The following ADCY6 variants were observed in gnomAD, a reference collection of about 807,000 sequenced individuals.
ADCY6 encodes the protein adenylate cyclase 6, also known as adenylate cyclase type 6.
A neutral mutation model predicts 111.6 loss-of-function variants in ADCY6; 59 were observed. The observed-to-expected ratio is 0.53, with a 90% CI of 0.43 to 0.66. The LOEUF (loss-of-function observed/expected upper bound fraction) is 0.66, where lower values mean the gene tolerates loss of function less well. Ranked by LOEUF, ADCY6 falls within the 30% of genes least tolerant of loss-of-function variation. ADCY6 has a pLI of 0.00. For missense variants in ADCY6, 1,242 were observed against 1,595.6 expected (o/e 0.78, Z 3.78); for synonymous variants, 576 against 642.9 (o/e 0.90, Z 1.57).
intron 16 of ADCY6, 112 bp from the exon 17 acceptor site, chr12:48,772,655 C>T (rs970351754): frequency 7.8e-7 from 1 of 1,289,050 alleles, no homozygotes; most frequent in African/African-American, 1.5e-5. Flanking sequence ...GTAAGTCAGG[C>T]ATTGGGCCAG....
At chr12:48,773,694 C>T (rs558690729) in intron 15 of ADCY6, 47 bp from the exon 16 acceptor site, 1 of 1,608,416 alleles carries the variant, frequency 6.2e-7, no homozygotes, top group African/African-American at 1.3e-5. Context: ...GAGGCCACAG[C>T]ACCCTTGGGC....
rs1037254707 is a variant in ADCY6, at chr12:48,778,872, A to ATTTTTTTTTTTTTTT, written c.865-630_865-616dup. On this transcript the variant is annotated intron_variant, in intron 2 of 21. Coordinates refer to ENST00000357869, the MANE Select transcript of ADCY6 (RefSeq NM_015270.5). Reference sequence around the variant, plus strand: ...GTGTCTTCTATACACTGAATAACACATTTTTTTTTTTTTTTTTTTTTTTTT... The same window carrying ATTTTTTTTTTTTTTT: ...GTGTCTTCTATACACTGAATAACACATTTTTTTTTTTTTTTTTTTTTTTTTTTTTTTTTTTTTTTT... 1.8e-4 allele frequency among the ~76,000 whole-genome samples: 13 copies of ATTTTTTTTTTTTTTT among 72,414 alleles called. 1 individual carries two copies. Among genetic ancestry groups the ATTTTTTTTTTTTTTT allele is most frequent in the African/African-American group, 6.0e-4 (10 of 16,734 alleles). The allele number at this position is 72,414 out of a possible 152,430, so 47.5% of individuals were successfully genotyped here. A position where few individuals can be genotyped will look rare whatever the true frequency, so the allele number is the denominator to read the frequency against.
chr12:48,783,534 C>A (rs1414999184), intron 1 of ADCY6, 96 bp from the exon 2 acceptor site: 1 of 1,571,862 alleles, frequency 6.4e-7, no homozygotes, highest in Non-Finnish European at 8.6e-7. Context: ...TAGCTCATTA[C>A]CTAAGCACTT....
chr12:48,771,449 G>T lies in ADCY6; in HGVS notation c.3051+261C>A. On this transcript the variant is annotated intron_variant, in intron 19 of 21. Coordinates refer to ENST00000357869, the MANE Select transcript of ADCY6 (RefSeq NM_015270.5). The surrounding 1 kb of genome is among the most constrained non-coding windows in gnomAD (Gnocchi z 4.3). ...CTTCTTCTTCAGTGACATCCACCTG[G>T]TACCTATCCTATCCCCCTACAGATC... 1.7e-6 allele frequency: 1 copy of T among 599,508 alleles called. No individual in the cohort carries two copies. Among genetic ancestry groups the T allele is most frequent in the Non-Finnish European group, 3.0e-6 (1 of 332,122 alleles). 37.1% of individuals were successfully genotyped at this position (599,508 alleles called of 1,614,324 possible). A position where few individuals can be genotyped will look rare whatever the true frequency, so the allele number is the denominator to read the frequency against.
chr12:48,782,511 C>CTTA lies in ADCY6; in HGVS notation c.864+57_864+59dup. 6.4e-7 allele frequency: 1 copy of CTTA among 1,550,822 alleles called. No individual in the cohort carries two copies. The highest frequency in any genetic ancestry group is 8.7e-7 in the Non-Finnish European group (1 of 1,148,272). On this transcript the variant is annotated intron_variant, in intron 2 of 21. Transcript: ENST00000357869. This position sits in a 1 kb window ranked among gnomAD's most constrained non-coding sequence, Gnocchi z 4.3. ...CCCTTCCTCACTAAGCCCCCACCTG[C>CTTA]TTATGAGGTGAGAAATTCCCCACCT...
chr12:48,773,650 G>A lies in ADCY6; in HGVS notation c.2443-3C>T. The A allele has an allele frequency of 6.2e-7, 1 of 1,614,004 alleles. No homozygotes were observed. Among genetic ancestry groups the A allele is most frequent in the Non-Finnish European group, 8.5e-7 (1 of 1,180,000 alleles). ...AGCAGCATGTTCCCGATGAAGTACT[G>A]CGGGGGTGGCAGAGGCAGCGTTGGG... On this transcript the variant is annotated splice_polypyrimidine_tract_variant and splice_region_variant and intron_variant, in intron 15 of 21. Coordinates refer to ENST00000357869, the MANE Select transcript of ADCY6 (RefSeq NM_015270.5).
rs966679688 is a variant in ADCY6, at chr12:48,773,868, C to T, written c.2442+72G>A. 3 of 1,572,286 alleles carry T rather than the reference C, an allele frequency of 1.9e-6. No homozygotes were observed. The Admixed American group carries it at 5.4e-5, about 28-fold the overall frequency. On this transcript the variant is annotated intron_variant, in intron 15 of 21. Transcript: ENST00000357869. ...GTTCCTGGGTCCCCAGCGCCCATCA[C>T]CAGGCCTGGCACAGAAGGGCCAATG...
At chr12:48,773,843 G>A in intron 15 of ADCY6, 97 bp downstream of exon 15, 1 of 1,516,024 alleles carries the variant, frequency 6.6e-7, no homozygotes, top group Non-Finnish European at 8.9e-7. Context: ...ACTCTGGTGA[G>A]TTCCTGGGTC....
At chr12:48,769,428 A>C (rs1438017329) in intron 20 of ADCY6, among the ~76,000 whole-genome samples, 1 of 151,186 alleles carries the variant, frequency 6.6e-6, no homozygotes, top group Non-Finnish European at 1.5e-5. Flanking sequence ...AAAAAAAAAA[A>C]AAAAAACCCA....
In ADCY6 at chr12:48,778,258, C is replaced by A; in HGVS notation, c.865-1G>T. Reference sequence around the variant, plus strand: ...GGAACAGCAGCACATTGGCACCGAGCTGCAGGAGGTGGCAGAGGCAGACAG... The same window carrying A: ...GGAACAGCAGCACATTGGCACCGAGATGCAGGAGGTGGCAGAGGCAGACAG... On this transcript the variant is annotated splice_acceptor_variant, in intron 2 of 21. Transcript: ENST00000357869. LOFTEE classifies it high-confidence loss of function. 1 of 1,614,116 alleles carries A rather than the reference C, an allele frequency of 6.2e-7. No individual in the cohort carries two copies. Among genetic ancestry groups the A allele is most frequent in the Non-Finnish European group, 8.5e-7 (1 of 1,180,018 alleles).
chr12:48,777,731 C>T lies in ADCY6; in HGVS notation c.1020G>A (p.Arg340=), dbSNP rs1941741491. The change falls in exon 4 of 22, where the codon CGG becomes CGA. Residue 340 remains arginine (R), a synonymous_variant. Coordinates refer to ENST00000357869, the MANE Select transcript of ADCY6 (RefSeq NM_015270.5). This position sits in a 1 kb window ranked among gnomAD's most constrained non-coding sequence, Gnocchi z 4.9. The part of the protein sequence containing the change: ...HLQHENRQQE[R]LLLSVLPQHV... ...GCTGGGGCAATACCGACAGCAGCAGCCGCTCCTAGCCCAGTGGTTCCAATA... is the reference window on the plus strand; with the variant it reads ...GCTGGGGCAATACCGACAGCAGCAGTCGCTCCTAGCCCAGTGGTTCCAATA... The T allele has an allele frequency of 1.2e-6, 2 of 1,614,056 alleles. No individual in the cohort carries two copies. The highest frequency in any genetic ancestry group is 1.7e-6 in the Non-Finnish European group (2 of 1,179,996).
chr12:48,768,799 T>C (rs1304115506), intron 21 of ADCY6, 83 bp from the exon 22 acceptor site: 45 of 1,569,306 alleles, frequency 2.9e-5, no homozygotes, highest in Non-Finnish European at 3.9e-5. Context: ...CTAGTCAGGC[T>C]AGCTCCCTTC....
intron 9 of ADCY6, 49 bp from the exon 10 acceptor site, chr12:48,775,747 C>A: frequency 6.3e-7 from 1 of 1,595,178 alleles, no homozygotes; most frequent in Non-Finnish European, 8.6e-7. Flanking sequence ...CAACAACCTT[C>A]ATCTCTGCAG....
chr12:48,779,184 C>G (rs972895378), intron 2 of ADCY6, among the ~76,000 whole-genome samples: 8 of 152,072 alleles, frequency 5.3e-5, no homozygotes, highest in Admixed American at 4.6e-4. Context: ...TCCACCGCAC[C>G]TGGCCCCTAA....
Position 48,776,966 on chromosome 12 carries a change from T to C in ADCY6, c.1376+138A>G, listed in dbSNP as rs1427310434. Reference sequence around the variant, plus strand: ...GGTCTTTGCACAGGTTGGAGAAAGATTCCCCTTCCCAGTGACAGACAGACC... The same window carrying C: ...GGTCTTTGCACAGGTTGGAGAAAGACTCCCCTTCCCAGTGACAGACAGACC... On this transcript the variant is annotated intron_variant, in intron 6 of 21. Coordinates refer to ENST00000357869, the MANE Select transcript of ADCY6 (RefSeq NM_015270.5). This position sits in a 1 kb window ranked among gnomAD's most constrained non-coding sequence, Gnocchi z 6.1. 6 of 1,330,338 alleles carry C rather than the reference T, an allele frequency of 4.5e-6. No individual in the cohort carries two copies. The Admixed American group carries it at 1.2e-4, about 26-fold the overall frequency. The allele number at this position is 1,330,338 out of a possible 1,614,324, so 82.4% of individuals were successfully genotyped here.
intron 2 of ADCY6, among the ~76,000 whole-genome samples, chr12:48,781,148 A>T (rs574801593): frequency 6.6e-6 from 1 of 151,610 alleles, no homozygotes; most frequent in Admixed American, 6.6e-5. Flanking sequence ...CAGTGAGCTG[A>T]GATCGCGCCA....
chr12:48,771,949 C>T lies in ADCY6; in HGVS notation c.2812G>A (p.Glu938Lys). The change falls in exon 19 of 22, where the codon GAG becomes AAG. Residue 938 changes from glutamate (E) to lysine (K), a missense_variant. Around this residue, in one of 4 missense-constraint regions of ADCY6, gnomAD observed 245 missense variants for 371.3 expected, o/e 0.66. Coordinates refer to ENST00000357869, the MANE Select transcript of ADCY6 (RefSeq NM_015270.5). This position sits in a 1 kb window ranked among gnomAD's most constrained non-coding sequence, Gnocchi z 4.3. ...CTCCGGTTGTATGCCTGTAGCTCCT[C>T]CATCTCCTCCTTCTCCCCTGTTGCC... ...LQATGEKEEMEELQAYNRRLL... is the reference protein window; with the variant it reads ...LQATGEKEEMKELQAYNRRLL... 6.2e-7 allele frequency: 1 copy of T among 1,612,722 alleles called. No individual in the cohort carries two copies. Among genetic ancestry groups the T allele is most frequent in the Non-Finnish European group, 8.5e-7 (1 of 1,179,100 alleles).
intron 16 of ADCY6, 114 bp from the exon 17 acceptor site, chr12:48,772,657 T>TTG: frequency 1.6e-6 from 2 of 1,257,234 alleles, no homozygotes; most frequent in Non-Finnish European, 2.3e-6. Context: ...AAGTCAGGCA[T>TTG]TGGGCCAGGG....
intron 17 of ADCY6, 42 bp from the exon 18 acceptor site, chr12:48,772,466 T>G: frequency 6.2e-7 from 1 of 1,614,210 alleles, no homozygotes; most frequent in Non-Finnish European, 8.5e-7. Context: ...GAAGGAGGCA[T>G]CTAATGGCTC....
Sources: gnomAD v4.1 joint callset for allele counts (sites outside exome capture counted in the v4.1 genomes callset) on GRCh38, gnomAD v4.1.1 for gene constraint, gnomAD v4.1.1 regional missense constraint, Gnocchi (gnomAD v3.1) non-coding constraint, MANE v1.5 for transcripts, NCBI Gene and HGNC (gene_info 2026-07-23, HGNC 2026-07-21) for gene names.